The following NR4A2 variants were observed in gnomAD, a reference collection of about 807,000 sequenced individuals.
The protein encoded by NR4A2 is nuclear receptor subfamily 4 group A member 2.
In NR4A2, 1 loss-of-function variant was observed where a neutral mutation model predicts 50.5. That is an observed-to-expected ratio of 0.02 (90% CI 0.01 to 0.09). The LOEUF (loss-of-function observed/expected upper bound fraction) is 0.09. Ranked by LOEUF, NR4A2 falls within the 10% of genes least tolerant of loss-of-function variation. The pLI is 1.00. For synonymous variants in NR4A2, 328 were observed against 309.4 expected (o/e 1.06, Z -0.63); for missense variants, 613 against 777.3 (o/e 0.79, Z 2.51).
intron 1 of NR4A2, chr2:156,332,111 G>C (rs1032012016): frequency 6.6e-5 from 13 of 197,388 alleles, no homozygotes; most frequent in Non-Finnish European, 1.2e-4. Flanking sequence ...AGCTTCCCTC[G>C]TATACATAGG....
chr2:156,325,845 A>G lies in NR4A2; in HGVS notation c.1696T>C (p.Cys566Arg). 6.2e-7 allele frequency: 1 copy of G among 1,614,212 alleles called. No homozygotes were observed. Among genetic ancestry groups the G allele is most frequent in the Non-Finnish European group, 8.5e-7 (1 of 1,180,044 alleles). The stretch of plus-strand genomic sequence containing the variant: ...AAAATGCGCTGTAGCCCCTGTGTGC[A>G]AAGGGTACGAAGTTCTGGGAGCTTC... ...LGKLPELRTL[C>R]TQGLQRIFYL... The change falls in exon 8 of 8, where the codon TGC becomes CGC. Residue 566 changes from cysteine to arginine, a missense_variant. Cys to Arg is a radical substitution (Grantham distance 180). Transcript: ENST00000339562.
rs1686740583 is a variant in NR4A2, at chr2:156,328,128, G to A, written c.995-114C>T. 1.4e-6 allele frequency: 2 copies of A among 1,392,838 alleles called. No homozygotes were observed. Among genetic ancestry groups the A allele is most frequent in the African/African-American group, 2.9e-5 (2 of 69,396 alleles). The allele number at this position is 1,392,838 out of a possible 1,614,324, so 86.3% of individuals were successfully genotyped here. A position where few individuals can be genotyped will look rare whatever the true frequency, so the allele number is the denominator to read the frequency against. The stretch of plus-strand genomic sequence containing the variant: ...GGGGCACCAGGCTGAGCGGCTGAGG[G>A]CCCCAGTGCTTGTAAAGCCTTCACT... On this transcript the variant is annotated intron_variant, in intron 4 of 7. Coordinates refer to ENST00000339562, the MANE Select transcript of NR4A2 (RefSeq NM_006186.4). The surrounding 1 kb of genome is among the most constrained non-coding windows in gnomAD (Gnocchi z 4.9).
rs573934598 is a variant in NR4A2, at chr2:156,325,660, C to G, written c.*84G>C. The G allele has an allele frequency of 2.6e-6, 4 of 1,541,446 alleles. No individual in the cohort carries two copies. The highest frequency in any genetic ancestry group is 3.6e-6 in the Non-Finnish European group (4 of 1,116,300). The stretch of plus-strand genomic sequence containing the variant: ...GCAGCTTGAGCTGAGACTGCTCACA[C>G]GGCTATCTCTGCCCATGTGACTTGC... On this transcript the variant is annotated 3_prime_UTR_variant, in exon 8 of 8. Coordinates refer to ENST00000339562, the MANE Select transcript of NR4A2 (RefSeq NM_006186.4).
In NR4A2 at chr2:156,332,612, G is replaced by T; in HGVS notation, c.-259C>A. The T allele has an allele frequency of 1.4e-6, 1 of 718,222 alleles. No individual in the cohort carries two copies. The highest frequency in any genetic ancestry group is 2.1e-6 in the Non-Finnish European group (1 of 469,230). The allele number at this position is 718,222 out of a possible 1,614,324, so 44.5% of individuals were successfully genotyped here. A position where few individuals can be genotyped will look rare whatever the true frequency, so the allele number is the denominator to read the frequency against. ...GGAACCCGGACACCTCACGGAGGGA[G>T]GGAGCAGGGACAGGCGGCCGGCTGG... On this transcript the variant is annotated 5_prime_UTR_variant, in exon 1 of 8. Coordinates refer to ENST00000339562, the MANE Select transcript of NR4A2 (RefSeq NM_006186.4).
rs201399912 is a variant in NR4A2, at chr2:156,329,827, A to C, written c.360T>G (p.Val120=). 35 of 1,614,062 alleles carry C rather than the reference A, an allele frequency of 2.2e-5. No homozygotes were observed. The highest frequency in any genetic ancestry group is 1.7e-4 in the Admixed American group (10 of 60,018). Residue 120 remains valine, a synonymous_variant, in exon 3 of 8, where the codon GTT becomes GTG. Coordinates refer to ENST00000339562, the MANE Select transcript of NR4A2 (RefSeq NM_006186.4). The surrounding 1 kb of genome is among the most constrained non-coding windows in gnomAD (Gnocchi z 7.5). ...SEEMMPHSGS[V]YYKPSSPPTP... ...TCGGGGGCGAGGAGGGCTTGTAGTAAACCGACCCGGAGTGCGGCATCATCT... is the reference window on the plus strand; with the variant it reads ...TCGGGGGCGAGGAGGGCTTGTAGTACACCGACCCGGAGTGCGGCATCATCT...
chr2:156,330,320 C>T, intron 2 of NR4A2, 132 bp from the exon 3 acceptor site: 1 of 1,053,464 alleles, frequency 9.5e-7, no homozygotes, highest in East Asian at 2.6e-5. Flanking sequence ...AGAGGAAAGG[C>T]AGGAGAGAGA....
chr2:156,328,354 T>C lies in NR4A2; in HGVS notation c.994+50A>G. ...GAACGTGATGCTGGAGTATGAGCAG[T>C]GGTTTCCTAAAGGCGCAAACTGGAG... is the stretch of plus-strand genomic sequence containing the variant. On this transcript the variant is annotated intron_variant, in intron 4 of 7. Coordinates refer to ENST00000339562, the MANE Select transcript of NR4A2 (RefSeq NM_006186.4). This position sits in a 1 kb window ranked among gnomAD's most constrained non-coding sequence, Gnocchi z 4.9. The C allele has an allele frequency of 6.2e-7, 1 of 1,613,680 alleles. No homozygotes were observed. Among genetic ancestry groups the C allele is most frequent in the Non-Finnish European group, 8.5e-7 (1 of 1,179,758 alleles).
rs1467869290 is a variant in NR4A2 at position 156,324,517 on chromosome 2, TCTAA to T, written c.*1223_*1226del. The T allele has an allele frequency of 5.9e-5, 9 of 152,522 alleles. No individual in the cohort carries two copies. The highest frequency in any genetic ancestry group is 1.7e-4 in the African/African-American group (7 of 41,440). 9.4% of individuals were successfully genotyped at this position (152,522 alleles called of 1,614,324 possible). A position where few individuals can be genotyped will look rare whatever the true frequency, so the allele number is the denominator to read the frequency against. ...ATTTATCAGAAAAAAAATCAGCATCTCTAACTGTCATACACCATAGAAAAAAAGG... is the reference window on the plus strand; with the variant it reads ...ATTTATCAGAAAAAAAATCAGCATCTCTGTCATACACCATAGAAAAAAAGG... On this transcript the variant is annotated 3_prime_UTR_variant, in exon 8 of 8. Coordinates refer to ENST00000339562, the MANE Select transcript of NR4A2 (RefSeq NM_006186.4).
At position 156,332,497 on chromosome 2, in the gene NR4A2, CTG is replaced by C. The variant is rs1343359571; in HGVS notation, c.-146_-145del. Reference sequence around the variant, plus strand: ...CTACTCACTTAGGAGTTCTCCGCGTCTGTCTTCATTCATTCAACTCTGCCGAA... The same window carrying C: ...CTACTCACTTAGGAGTTCTCCGCGTCTCTTCATTCATTCAACTCTGCCGAA... On this transcript the variant is annotated 5_prime_UTR_variant, in exon 1 of 8. An upstream open reading frame in the 5' UTR loses its in-frame stop. Transcript: ENST00000339562. The C allele has an allele frequency of 8.5e-6, 11 of 1,289,104 alleles. No individual in the cohort carries two copies. The Admixed American group carries it at 2.5e-4, about 30-fold the overall frequency. The allele number at this position is 1,289,104 out of a possible 1,614,324, so 79.9% of individuals were successfully genotyped here.
At chr2:156,330,280 C>A in intron 2 of NR4A2, 92 bp from the exon 3 acceptor site, 1 of 1,503,566 alleles carries the variant, frequency 6.7e-7, no homozygotes, top group Non-Finnish European at 9.1e-7. Flanking sequence ...ACCGGCAGCC[C>A]GCGGCAGTCA....
chr2:156,332,561 G>A lies in NR4A2; in HGVS notation c.-208C>T. 8.0e-7 allele frequency: 1 copy of A among 1,244,918 alleles called. No homozygotes were observed. The highest frequency in any genetic ancestry group is 1.1e-6 in the Non-Finnish European group (1 of 948,934). The allele number at this position is 1,244,918 out of a possible 1,614,324, so 77.1% of individuals were successfully genotyped here. A position where few individuals can be genotyped will look rare whatever the true frequency, so the allele number is the denominator to read the frequency against. On this transcript the variant is annotated 5_prime_UTR_variant, in exon 1 of 8. Transcript: ENST00000339562. ...TCTGGGAGCCCGGGCGCCGGGGTCG[G>A]GTAGGGGTGGGAGAGCTGGGCGAAG...
chr2:156,326,872 T>C lies in NR4A2; in HGVS notation c.1207A>G (p.Ile403Val). The C allele has an allele frequency of 6.2e-7, 1 of 1,614,224 alleles. No homozygotes were observed. Among genetic ancestry groups the C allele is most frequent in the Non-Finnish European group, 8.5e-7 (1 of 1,180,026 alleles). ...GTCAGGAGATCATAGAATTGCTGGA[T>C]ATGCTGGGTGTCATCTCCACTCATT... The part of the protein sequence containing the change: ...YQMSGDDTQH[I>V]QQFYDLLTGS... Residue 403 changes from isoleucine (I) to valine (V), a missense_variant, in exon 6 of 8, where the codon ATC becomes GTC. By Grantham distance (29) the Ile-to-Val change is conservative (BLOSUM62 3). Coordinates refer to ENST00000339562, the MANE Select transcript of NR4A2 (RefSeq NM_006186.4). The surrounding 1 kb of genome is among the most constrained non-coding windows in gnomAD (Gnocchi z 4.2).
chr2:156,329,122 T>C lies in NR4A2; in HGVS notation c.864+201A>G, dbSNP rs1470334404. 6.6e-6 allele frequency among the ~76,000 whole-genome samples: 1 copy of C among 152,176 alleles called. No individual in the cohort carries two copies. ...GGATGCGACCCTGGCCTCCCAGTCT[T>C]TCTGCTTCCCTTTCTCAGACACCCG... On this transcript the variant is annotated intron_variant, in intron 3 of 7. Coordinates refer to ENST00000339562, the MANE Select transcript of NR4A2 (RefSeq NM_006186.4). This position sits in a 1 kb window ranked among gnomAD's most constrained non-coding sequence, Gnocchi z 7.5.
At position 156,332,515 on chromosome 2, in the gene NR4A2, C is replaced by T; in HGVS notation, c.-162G>A. The T allele has an allele frequency of 7.8e-7, 1 of 1,289,220 alleles. No homozygotes were observed. The highest frequency in any genetic ancestry group is 1.0e-6 in the Non-Finnish European group (1 of 988,690). The allele number at this position is 1,289,220 out of a possible 1,614,324, so 79.9% of individuals were successfully genotyped here. ...TCCGCGTCTGTCTTCATTCATTCAA[C>T]TCTGCCGAAGTGCAGTTCCCTCTGG... On this transcript the variant is annotated 5_prime_UTR_variant, in exon 1 of 8. Transcript: ENST00000339562.
Position 156,328,611 on chromosome 2 carries a change from T to G in NR4A2, c.865-78A>C. 6.3e-7 allele frequency: 1 copy of G among 1,578,832 alleles called. No homozygotes were observed. The highest frequency in any genetic ancestry group is 1.1e-5 in the South Asian group (1 of 89,926). On this transcript the variant is annotated intron_variant, in intron 3 of 7. Coordinates refer to ENST00000339562, the MANE Select transcript of NR4A2 (RefSeq NM_006186.4). This position sits in a 1 kb window ranked among gnomAD's most constrained non-coding sequence, Gnocchi z 4.9. ...GGCAACTCGGAGAAAATTTCTGTTA[T>G]GTGACTGGGGTCTACGATTCCTCCC...
In NR4A2 at chr2:156,329,860, C is replaced by G. The variant is rs1190050485; in HGVS notation, c.327G>C (p.Gln109His). 6.2e-7 allele frequency: 1 copy of G among 1,614,140 alleles called. No individual in the cohort carries two copies. Residue 109 changes from glutamine to histidine, a missense_variant, in exon 3 of 8, where the codon CAG becomes CAC. This residue lies in a region of NR4A2 where 275 missense variants were observed against 248.9 expected (regional missense o/e 1.10). Transcript: ENST00000339562. This position sits in a 1 kb window ranked among gnomAD's most constrained non-coding sequence, Gnocchi z 7.5. ...CGGAGTGCGGCATCATCTCCTCAGA[C>G]TGGGGGGGCAGGTGGCTGTGTTGCT... ...NYQQHSHLPP[Q>H]SEEMMPHSGS...
At chr2:156,327,029 C>T (rs921238551) in intron 5 of NR4A2, 109 bp from the exon 6 acceptor site, 3 of 978,672 alleles carry the variant, frequency 3.1e-6, no homozygotes, top group Admixed American at 1.9e-5. Context: ...AACAATTAAA[C>T]CTCTCTCTGA....
At position 156,328,200 on chromosome 2, in the gene NR4A2, A is replaced by T. The variant is rs1279023041; in HGVS notation, c.995-186T>A. Among the ~76,000 whole-genome samples, 1 of 152,190 alleles carries T rather than the reference A, an allele frequency of 6.6e-6. No individual in the cohort carries two copies. The highest frequency in any genetic ancestry group is 1.5e-5 in the Non-Finnish European group (1 of 68,040). ...CGGGGTTATTTTATGTCTTCCTCCA[A>T]ATGGGTCGTATAGTTAAAGGAGAGA... On this transcript the variant is annotated intron_variant, in intron 4 of 7. Transcript: ENST00000339562. This position sits in a 1 kb window ranked among gnomAD's most constrained non-coding sequence, Gnocchi z 4.9.
chr2:156,327,999 C>T lies in NR4A2; in HGVS notation c.1010G>A (p.Ser337Asn). Residue 337 changes from serine to asparagine, a missense_variant, in exon 5 of 8, where the codon AGT becomes AAT. By Grantham distance (46) the Ser-to-Asn change is conservative. Around this residue, in one of 4 missense-constraint regions of NR4A2, gnomAD observed 27 missense variants for 120.7 expected, o/e 0.22. Coordinates refer to ENST00000339562, the MANE Select transcript of NR4A2 (RefSeq NM_006186.4). ...GMVKEVVRTD[S>N]LKGRRGRLPS... Reference sequence around the variant, plus strand: ...CAAACGACCTCTCCGGCCTTTTAAACTGTCTGTGCGAACCACTGCAAAGGA... The same window carrying T: ...CAAACGACCTCTCCGGCCTTTTAAATTGTCTGTGCGAACCACTGCAAAGGA... 2 of 1,605,908 alleles carry T rather than the reference C, an allele frequency of 1.2e-6. No homozygotes were observed. Among genetic ancestry groups the T allele is most frequent in the East Asian group, 2.2e-5 (1 of 44,756 alleles).
Sources: allele counts gnomAD v4.1 joint callset (sites outside exome capture counted in the v4.1 genomes callset), GRCh38; gene constraint gnomAD v4.1.1; regional missense constraint gnomAD v4.1.1; non-coding constraint Gnocchi (gnomAD v3.1); transcripts MANE v1.5; gene names NCBI Gene and HGNC (gene_info 2026-07-23, HGNC 2026-07-21).